The following CACNA1C variants were observed in gnomAD, a reference collection of about 807,000 sequenced individuals.
CACNA1C encodes voltage-dependent L-type calcium channel subunit alpha-1C.
A neutral mutation model predicts 229.0 loss-of-function variants in CACNA1C; 30 were observed. That is an observed-to-expected ratio of 0.13 (90% CI 0.10 to 0.18). The LOEUF (loss-of-function observed/expected upper bound fraction) is 0.18. CACNA1C is among the 10% of genes least tolerant of loss of function. CACNA1C has a pLI of 1.00. For synonymous variants in CACNA1C, 1,114 were observed against 1,132.5 expected (o/e 0.98, Z 0.33); for missense variants, 1,658 against 2,845.0 (o/e 0.58, Z 9.49).
chr12:2,294,266 A>C (rs1049793995), intron 3 of CACNA1C, among the ~76,000 whole-genome samples: 10 of 152,170 alleles, frequency 6.6e-5, no homozygotes, highest in African/African-American at 2.2e-4. Context: ...GGAGTCAGCG[A>C]GAAGACATGG....
intron 9 of CACNA1C, among the ~76,000 whole-genome samples, chr12:2,514,112 C>G (rs547144187): frequency 3.3e-4 from 50 of 152,284 alleles, no homozygotes; most frequent in African/African-American, 1.2e-3. Flanking sequence ...AAAGAGCCAT[C>G]CAGGGCATTT....
chr12:2,415,927 A>G (rs1254628103), intron 3 of CACNA1C, among the ~76,000 whole-genome samples: 2 of 151,414 alleles, frequency 1.3e-5, no homozygotes, highest in Admixed American at 1.3e-4. Context: ...GCGCTGGGTG[A>G]CTCTCAGTGC....
At chr12:2,485,684 C>A (rs2099694803) in intron 5 of CACNA1C, among the ~76,000 whole-genome samples, 1 of 152,156 alleles carries the variant, frequency 6.6e-6, no homozygotes. Context: ...TTTTTCCAAT[C>A]CCACCATGGG....
At position 2,597,299 on chromosome 12, in the gene CACNA1C, C is replaced by A; in HGVS notation, c.2853+10C>A. On this transcript the variant is annotated intron_variant, in intron 21 of 46. Transcript: ENST00000399655. This position sits in a 1 kb window ranked among gnomAD's most constrained non-coding sequence, Gnocchi z 4.3. Reference sequence around the variant, plus strand: ...TGAAATTGCTCTGAAGGTAAAGCCCCCATCCCCTTCTGCTCCTCCTGTCCC... The same window carrying A: ...TGAAATTGCTCTGAAGGTAAAGCCCACATCCCCTTCTGCTCCTCCTGTCCC... 6.2e-7 allele frequency: 1 copy of A among 1,602,208 alleles called. No individual in the cohort carries two copies. Among genetic ancestry groups the A allele is most frequent in the Non-Finnish European group, 8.6e-7 (1 of 1,169,314 alleles).
intron 1 of CACNA1C, among the ~76,000 whole-genome samples, chr12:2,000,440 T>C (rs1003417294): frequency 6.6e-6 from 1 of 152,156 alleles, no homozygotes; most frequent in African/African-American, 2.4e-5. Context: ...CCTTTCTTCC[T>C]TGATGTAACA....
intron 3 of CACNA1C, among the ~76,000 whole-genome samples, chr12:2,185,538 A>G (rs1385416466): frequency 6.6e-6 from 1 of 152,174 alleles, no homozygotes; most frequent in Non-Finnish European, 1.5e-5. Flanking sequence ...CTCCAATATG[A>G]TTGGATTTAT....
In CACNA1C at chr12:2,301,970, T is replaced by C. The variant is rs553522198; in HGVS notation, c.478-147006T>C. Among the ~76,000 whole-genome samples, 6 of 152,360 alleles carry C rather than the reference T, an allele frequency of 3.9e-5. No individual in the cohort carries two copies. In the East Asian group the frequency reaches 9.6e-4, roughly 24 times the overall value. On this transcript the variant is annotated intron_variant, in intron 3 of 46. Transcript: ENST00000399655. ...GGTTGCGAGGCTATTTTGAAGACAT[T>C]TTAGATTGTTTCTGGTTCAGTAATC...
Position 2,512,795 on chromosome 12 carries a change from C to G in CACNA1C, c.1218-17C>G, listed in dbSNP as rs775262652. On this transcript the variant is annotated splice_polypyrimidine_tract_variant and intron_variant, in intron 8 of 46. Coordinates refer to ENST00000399655, the MANE Select transcript of CACNA1C (RefSeq NM_000719.7). The surrounding 1 kb of genome is among the most constrained non-coding windows in gnomAD (Gnocchi z 4.3). ...CTCTGTGCTCTCCTGCCCTGCCCCT[C>G]CTCTCACTCTCACCAGAGAGTTTTC... 6.2e-7 allele frequency: 1 copy of G among 1,600,218 alleles called. No homozygotes were observed. The highest frequency in any genetic ancestry group is 1.1e-5 in the South Asian group (1 of 87,898).
chr12:2,058,602 C>T (rs1362990449), intron 1 of CACNA1C, among the ~76,000 whole-genome samples: 3 of 152,148 alleles, frequency 2.0e-5, no homozygotes, highest in Non-Finnish European at 1.5e-5. Flanking sequence ...AAGTGCTAAA[C>T]ATTCTGATAA....
At chr12:2,161,703 C>CTGTT (rs2095865542) in intron 3 of CACNA1C, among the ~76,000 whole-genome samples, 1 of 152,214 alleles carries the variant, frequency 6.6e-6, no homozygotes, top group African/African-American at 2.4e-5. Context: ...TGCGAGAATG[C>CTGTT]TGTTTGGCAA....
chr12:2,325,531 G>A (rs1460481997), intron 3 of CACNA1C, among the ~76,000 whole-genome samples: 3 of 152,186 alleles, frequency 2.0e-5, no homozygotes, highest in Non-Finnish European at 4.4e-5. Flanking sequence ...TCACTTACTC[G>A]TTGTGTGAAC....
In CACNA1C at chr12:2,352,754, G is replaced by A. The variant is rs148930286; in HGVS notation, c.478-96222G>A. Among the ~76,000 whole-genome samples the A allele has an allele frequency of 1.4e-3, 209 of 152,220 alleles. 4 individuals carry two copies. The East Asian group carries it at 0.03, about 22-fold the overall frequency. On this transcript the variant is annotated intron_variant, in intron 3 of 46. Transcript: ENST00000399655. ...TTGGGGGAAATAGACTCTGTGGACC[G>A]TTGAGTGTCTGGCAAAGAAAAATGA... is the stretch of plus-strand genomic sequence containing the variant.
chr12:2,609,567 C>G (rs989102420), intron 27 of CACNA1C, among the ~76,000 whole-genome samples: 4 of 148,514 alleles, frequency 2.7e-5, no homozygotes, highest in African/African-American at 1.0e-4. Flanking sequence ...GATTAGACCC[C>G]GATCTAGTAT....
chr12:2,177,208 G>A (rs946548137), intron 3 of CACNA1C, among the ~76,000 whole-genome samples: 3 of 152,082 alleles, frequency 2.0e-5, no homozygotes, highest in African/African-American at 7.2e-5. Context: ...TGAATTTCTG[G>A]GTGCTTAGCA....
At chr12:2,032,153 G>A (rs957710371) in intron 1 of CACNA1C, among the ~76,000 whole-genome samples, 3 of 152,046 alleles carry the variant, frequency 2.0e-5, no homozygotes, top group Non-Finnish European at 4.4e-5. Flanking sequence ...GGAGGGGGCG[G>A]GCATGCTCTA....
At chr12:2,357,656 T>G (rs1487835860) in intron 3 of CACNA1C, among the ~76,000 whole-genome samples, 1 of 138,670 alleles carries the variant, frequency 7.2e-6, no homozygotes, top group Non-Finnish European at 1.5e-5. Flanking sequence ...GTTTGGGTTT[T>G]TTTTCCTTAA....
chr12:2,352,420 G>A (rs368556015), intron 3 of CACNA1C, among the ~76,000 whole-genome samples: 26 of 152,298 alleles, frequency 1.7e-4, no homozygotes, highest in African/African-American at 5.5e-4. Flanking sequence ...ATGTGTGTGG[G>A]TTGCAGGAAG....
At chr12:1,994,260 A>G (rs923296099) in intron 1 of CACNA1C, among the ~76,000 whole-genome samples, 2 of 152,248 alleles carry the variant, frequency 1.3e-5, no homozygotes, top group African/African-American at 4.8e-5. Context: ...AGCAAGCAGA[A>G]TTCATTTATT....
At chr12:2,146,696 C>A (rs1231539412) in intron 3 of CACNA1C, among the ~76,000 whole-genome samples, 4 of 151,272 alleles carry the variant, frequency 2.6e-5, no homozygotes, top group Non-Finnish European at 5.9e-5. Context: ...CAGCTTTCTG[C>A]TCTCAGTACC....
Sources: allele counts gnomAD v4.1 joint callset (sites outside exome capture counted in the v4.1 genomes callset), GRCh38; gene constraint gnomAD v4.1.1; non-coding constraint Gnocchi (gnomAD v3.1); transcripts MANE v1.5; gene names NCBI Gene and HGNC (gene_info 2026-07-23, HGNC 2026-07-21).